The following NOL4 variants were observed in gnomAD, a reference collection of about 807,000 sequenced individuals.
NOL4 encodes the protein nucleolar protein 4, also known as cancer/testis antigen 125.
Under a neutral mutation model 75.9 loss-of-function variants are expected in NOL4, and 17 were observed. The observed-to-expected ratio is 0.22, with a 90% CI of 0.15 to 0.34. The LOEUF (loss-of-function observed/expected upper bound fraction) is 0.34, where lower values mean the gene tolerates loss of function less well. NOL4 is among the 10% of genes least tolerant of loss of function. The pLI is 1.00. For missense variants in NOL4, 614 were observed against 793.5 expected (o/e 0.77, Z 2.72); for synonymous variants, 292 against 289.9 (o/e 1.01, Z -0.07).
chr18:33,907,242 G>A (rs2066107100), intron 9 of NOL4, among the ~76,000 whole-genome samples: 1 of 145,670 alleles, frequency 6.9e-6, no homozygotes, highest in African/African-American at 2.5e-5. Flanking sequence ...AGAATGGCAT[G>A]AACCTGGGAG....
chr18:33,936,155 T>A (rs1405515027), intron 9 of NOL4, among the ~76,000 whole-genome samples: 2 of 151,988 alleles, frequency 1.3e-5, no homozygotes, highest in Admixed American at 6.6e-5. Flanking sequence ...TAGATAGTTT[T>A]AAAAAAAAGT....
chr18:33,934,183 C>G (rs1015121384), intron 9 of NOL4, among the ~76,000 whole-genome samples: 5 of 151,618 alleles, frequency 3.3e-5, no homozygotes, highest in African/African-American at 1.2e-4. Flanking sequence ...TAGGCCTCAA[C>G]AGTGGGCTTA....
At chr18:34,200,585 C>T (rs1031414474) in intron 1 of NOL4, among the ~76,000 whole-genome samples, 3 of 151,560 alleles carry the variant, frequency 2.0e-5, no homozygotes, top group South Asian at 2.1e-4. Flanking sequence ...TTAACTTTTA[C>T]GAATCTTTTA....
chr18:34,046,632 A>ATATATATG (rs1002864623), intron 5 of NOL4, among the ~76,000 whole-genome samples: 1 of 135,670 alleles, frequency 7.4e-6, no homozygotes, highest in Non-Finnish European at 1.6e-5. Flanking sequence ...ATATATATAT[A>ATATATATG]TATATGTATA....
At chr18:34,099,373 A>AAAAAAAAAAAAAAAAAAAAAAAC (rs2078938701) in intron 4 of NOL4, among the ~76,000 whole-genome samples, 1 of 150,004 alleles carries the variant, frequency 6.7e-6, no homozygotes, top group African/African-American at 2.5e-5. Flanking sequence ...AAAAAAAAAA[A>AAAAAAAAAAAAAAAAAAAAAAAC]AAAAGACAAC....
Position 34,028,138 on chromosome 18 carries a change from C to G in NOL4, c.773-8537G>C, listed in dbSNP as rs573776066. On this transcript the variant is annotated intron_variant, in intron 5 of 10. Transcript: ENST00000261592. ...GTGATTACTACTAATTAATCAAGAG[C>G]TGGTCATAGTACCCCCCCAACCCCA... is the stretch of plus-strand genomic sequence containing the variant. Among the ~76,000 whole-genome samples, 4 of 152,274 alleles carry G rather than the reference C, an allele frequency of 2.6e-5. No homozygotes were observed. In the South Asian group the frequency reaches 8.3e-4, roughly 32 times the overall value.
intron 8 of NOL4, among the ~76,000 whole-genome samples, chr18:33,950,064 A>G (rs1193312112): frequency 2.6e-5 from 4 of 151,864 alleles, no homozygotes; most frequent in East Asian, 3.9e-4. Flanking sequence ...ATTGTACATT[A>G]TGATGTAGAT....
intron 6 of NOL4, among the ~76,000 whole-genome samples, chr18:33,991,600 G>C (rs900229236): frequency 4.0e-5 from 6 of 151,548 alleles, no homozygotes; most frequent in Non-Finnish European, 7.4e-5. Flanking sequence ...GATAGGGAGG[G>C]GAATTATAAA....
At chr18:34,064,479 T>C (rs1568295478) in intron 5 of NOL4, among the ~76,000 whole-genome samples, 1 of 151,854 alleles carries the variant, frequency 6.6e-6, no homozygotes, top group Non-Finnish European at 1.5e-5. Context: ...TGAAATAGTA[T>C]CAGAGAAATT....
intron 9 of NOL4, among the ~76,000 whole-genome samples, chr18:33,942,543 T>G (rs189573626): frequency 3.9e-5 from 6 of 152,036 alleles, no homozygotes; most frequent in Admixed American, 3.9e-4. Flanking sequence ...AATGATTAAT[T>G]AATGAGAGAT....
chr18:34,089,704 G>T, intron 5 of NOL4, among the ~76,000 whole-genome samples: 2 of 152,126 alleles, frequency 1.3e-5, no homozygotes, highest in East Asian at 3.9e-4. Context: ...TCCCACAAGG[G>T]ACATTTGCAA....
chr18:34,222,172 A>G (rs2037363370), intron 1 of NOL4: 1 of 1,485,816 alleles, frequency 6.7e-7, no homozygotes, highest in Non-Finnish European at 8.9e-7. Context: ...TGGGCTCTCA[A>G]TGCCAGTGCC....
intron 4 of NOL4, among the ~76,000 whole-genome samples, chr18:34,094,312 T>C (rs1302417633): frequency 2.0e-5 from 3 of 152,204 alleles, no homozygotes; most frequent in Non-Finnish European, 2.9e-5. Context: ...AGCCAACTTA[T>C]ATATTAGGTT....
chr18:33,915,468 T>C (rs1037672368), intron 9 of NOL4, among the ~76,000 whole-genome samples: 1 of 152,092 alleles, frequency 6.6e-6, no homozygotes, highest in Non-Finnish European at 1.5e-5. Context: ...CACATGCTGA[T>C]GGGAAGAATC....
intron 9 of NOL4, among the ~76,000 whole-genome samples, chr18:33,911,673 G>T (rs555276255): frequency 6.6e-6 from 1 of 152,010 alleles, no homozygotes; most frequent in South Asian, 2.1e-4. Context: ...ACTATGTCTT[G>T]CTTCTGATAT....
chr18:34,222,912 C>T, intron 1 of NOL4, 78 bp downstream of exon 1: 1 of 1,550,694 alleles, frequency 6.4e-7, no homozygotes, highest in South Asian at 1.2e-5. Flanking sequence ...GGCTCCCCCT[C>T]TCTCCCGCCT....
At chr18:34,103,988 T>G (rs528140498) in intron 4 of NOL4, 59 bp downstream of exon 4, 26 of 1,118,678 alleles carry the variant, frequency 2.3e-5, no homozygotes, top group Admixed American at 3.4e-5. Flanking sequence ...ATGATAGTCA[T>G]GGTTATCAAG....
intron 2 of NOL4, among the ~76,000 whole-genome samples, chr18:34,126,853 T>C (rs2080411462): frequency 6.6e-6 from 1 of 152,050 alleles, no homozygotes; most frequent in African/African-American, 2.4e-5. Context: ...ATATTTTAAG[T>C]TCAAACATGA....
chr18:34,128,272 C>G (rs2080473676), intron 2 of NOL4, among the ~76,000 whole-genome samples: 1 of 151,898 alleles, frequency 6.6e-6, no homozygotes. Context: ...CTACTATTGA[C>G]AACGAAACCA....
Sources: allele counts gnomAD v4.1 joint callset (sites outside exome capture counted in the v4.1 genomes callset), GRCh38; gene constraint gnomAD v4.1.1; transcripts MANE v1.5; gene names NCBI Gene and HGNC (gene_info 2026-07-23, HGNC 2026-07-21).